The following ASXL2 variants were observed in gnomAD, a reference collection of about 807,000 sequenced individuals.
The protein encoded by ASXL2 is putative Polycomb group protein ASXL2.
In ASXL2, 23 loss-of-function variants were observed where a neutral mutation model predicts 122.0. The observed-to-expected ratio is 0.19, with a 90% CI of 0.14 to 0.27. The LOEUF (loss-of-function observed/expected upper bound fraction) is 0.27, where lower values mean the gene tolerates loss of function less well. Ranked by LOEUF, ASXL2 falls within the 10% of genes least tolerant of loss-of-function variation. The probability of loss-of-function intolerance (pLI) is 1.00; values close to 1 mark genes in which losing one functional copy is unlikely to be tolerated. For missense variants in ASXL2, 1,518 were observed against 1,713.8 expected (o/e 0.89, Z 2.02); for synonymous variants, 650 against 637.0 (o/e 1.02, Z -0.31).
At chr2:25,872,490 T>G (rs1261496040) in intron 1 of ASXL2, among the ~76,000 whole-genome samples, 1 of 151,726 alleles carries the variant, frequency 6.6e-6, no homozygotes, top group Non-Finnish European at 1.5e-5. Flanking sequence ...AAGGTATAAG[T>G]GAAAACTAAT....
Position 25,799,401 on chromosome 2 carries a change from G to A in ASXL2, c.387C>T (p.Ser129=). The change falls in exon 5 of 13, where the codon AGC becomes AGT. Residue 129 remains serine, a synonymous_variant. Coordinates refer to ENST00000435504, the MANE Select transcript of ASXL2 (RefSeq NM_018263.6). ...DGGSNKEGKK[S]RWKRKVSSSS... ...TGGATTTACCTTTCCTTTTCCACCT[G>A]CTCTTTTTTCCCTCCTTGTTGCTGC... 6.2e-7 allele frequency: 1 copy of A among 1,613,978 alleles called. No homozygotes were observed. Among genetic ancestry groups the A allele is most frequent in the Non-Finnish European group, 8.5e-7 (1 of 1,179,868 alleles).
intron 1 of ASXL2, among the ~76,000 whole-genome samples, chr2:25,874,415 G>C (rs1163394865): frequency 1.3e-5 from 2 of 152,188 alleles, no homozygotes; most frequent in African/African-American, 4.8e-5. Context: ...CTTGAGCCTG[G>C]CAGGCAGAAG....
chr2:25,810,801 A>G, intron 3 of ASXL2: 1 of 510,428 alleles, frequency 2.0e-6, no homozygotes, highest in Non-Finnish European at 3.7e-6. Context: ...AGAAGCTGAA[A>G]AAGTCCTAAA....
rs1491286923 is a variant in ASXL2 at position 25,744,935 on chromosome 2, C to CCCCACA, written c.1861-460_1861-459insTGTGGG. On this transcript the variant is annotated intron_variant, in intron 12 of 12. Transcript: ENST00000435504. This position sits in a 1 kb window ranked among gnomAD's most constrained non-coding sequence, Gnocchi z 4.7. ...GGGAAAATACTTGCTCTTCTCTGTTCCACACACACACACACACACACACAC... is the reference window on the plus strand; with the variant it reads ...GGGAAAATACTTGCTCTTCTCTGTTCCCCACACACACACACACACACACACACACAC... Among the ~76,000 whole-genome samples, 1 of 138,252 alleles carries CCCCACA rather than the reference C, an allele frequency of 7.2e-6. No homozygotes were observed. The highest frequency in any genetic ancestry group is 2.7e-5 in the African/African-American group (1 of 36,702). 90.7% of individuals were successfully genotyped at this position (138,252 alleles called of 152,430 possible). A position where few individuals can be genotyped will look rare whatever the true frequency, so the allele number is the denominator to read the frequency against.
Position 25,742,691 on chromosome 2 carries a change from T to C in ASXL2, c.3646A>G (p.Ser1216Gly). 6.2e-7 allele frequency: 1 copy of C among 1,613,998 alleles called. No individual in the cohort carries two copies. The highest frequency in any genetic ancestry group is 8.5e-7 in the Non-Finnish European group (1 of 1,179,880). The change falls in exon 13 of 13, where the codon AGC (serine) becomes GGC (glycine). Residue 1216 changes from serine (S) to glycine (G), a missense_variant. Transcript: ENST00000435504. ...TCACTGGTAGATAGAGTTTCCCTGCTGTGAGGTCCTGAACTTGTGTCACCC... is the reference window on the plus strand; with the variant it reads ...TCACTGGTAGATAGAGTTTCCCTGCCGTGAGGTCCTGAACTTGTGTCACCC... ...GKGDTSSGPHSRETLSTSDCL... is the reference protein window; with the variant it reads ...GKGDTSSGPHGRETLSTSDCL...
chr2:25,856,341 G>A, intron 1 of ASXL2: 1 of 472,130 alleles, frequency 2.1e-6, no homozygotes, highest in Non-Finnish European at 3.9e-6. Flanking sequence ...ACAGGCATGA[G>A]CCACTGCTCA....
chr2:25,855,497 C>T (rs1183208220), intron 1 of ASXL2, among the ~76,000 whole-genome samples: 1 of 152,146 alleles, frequency 6.6e-6, no homozygotes, highest in African/African-American at 2.4e-5. Context: ...GCCAAAACCC[C>T]GTCTCTGCTA....
At position 25,756,121 on chromosome 2, in the gene ASXL2, C is replaced by A; in HGVS notation, c.940-7G>T. Reference sequence around the variant, plus strand: ...TTAAACCATCTGGACCAACCTGGGTCAAAGAATAAGCCAAGGAAAGCTTAC... The same window carrying A: ...TTAAACCATCTGGACCAACCTGGGTAAAAGAATAAGCCAAGGAAAGCTTAC... On this transcript the variant is annotated splice_region_variant and splice_polypyrimidine_tract_variant and intron_variant, in intron 9 of 12. Coordinates refer to ENST00000435504, the MANE Select transcript of ASXL2 (RefSeq NM_018263.6). The A allele has an allele frequency of 6.4e-7, 1 of 1,568,154 alleles. No homozygotes were observed. The highest frequency in any genetic ancestry group is 1.2e-5 in the South Asian group (1 of 84,998).
chr2:25,866,255 C>T (rs2089903071), intron 1 of ASXL2, among the ~76,000 whole-genome samples: 1 of 151,804 alleles, frequency 6.6e-6, no homozygotes, highest in South Asian at 2.1e-4. Context: ...CTCAGCCTCC[C>T]AAGTAGCTGG....
intron 7 of ASXL2, 26 bp from the exon 8 acceptor site, chr2:25,767,752 A>T (rs369414092): frequency 2.5e-6 from 4 of 1,611,518 alleles, no homozygotes; most frequent in Non-Finnish European, 2.5e-6. Context: ...ACGTATAAAG[A>T]CTGGTAGCAC....
At chr2:25,863,599 A>C (rs2089864013) in intron 1 of ASXL2, among the ~76,000 whole-genome samples, 1 of 151,846 alleles carries the variant, frequency 6.6e-6, no homozygotes, top group African/African-American at 2.4e-5. Flanking sequence ...AGGCTAAGGC[A>C]GGAGAATGGC....
intron 3 of ASXL2, among the ~76,000 whole-genome samples, chr2:25,828,837 A>C (rs1188334485): frequency 2.6e-5 from 4 of 151,172 alleles, no homozygotes; most frequent in Admixed American, 6.6e-5. Flanking sequence ...AAAAAAAAAA[A>C]AAAAAAAAAA....
chr2:25,861,139 T>C (rs569982195), intron 1 of ASXL2, among the ~76,000 whole-genome samples: 3 of 152,026 alleles, frequency 2.0e-5, no homozygotes, highest in East Asian at 1.9e-4. Context: ...AACAATGAAA[T>C]TGAAAACAAG....
At chr2:25,833,510 C>T (rs1477747113) in intron 3 of ASXL2, among the ~76,000 whole-genome samples, 1 of 152,098 alleles carries the variant, frequency 6.6e-6, no homozygotes, top group Admixed American at 6.6e-5. Context: ...GCCTGACCAA[C>T]ACAGTGAAAC....
At chr2:25,858,049 G>A (rs2089801476) in intron 1 of ASXL2, among the ~76,000 whole-genome samples, 1 of 152,008 alleles carries the variant, frequency 6.6e-6, no homozygotes, top group African/African-American at 2.4e-5. Flanking sequence ...GCAGTGCCTG[G>A]CATATAGTAA....
At chr2:25,852,706 G>A (rs2089731001) in intron 1 of ASXL2, among the ~76,000 whole-genome samples, 2 of 152,164 alleles carry the variant, frequency 1.3e-5, no homozygotes. Context: ...TAAACTAAAT[G>A]ACCAGAGAGA....
chr2:25,767,871 T>A, intron 7 of ASXL2, 145 bp from the exon 8 acceptor site: 1 of 940,240 alleles, frequency 1.1e-6, no homozygotes, highest in Non-Finnish European at 1.6e-6. Context: ...AAAATTAAAG[T>A]CAAAGAGTAA....
intron 3 of ASXL2, among the ~76,000 whole-genome samples, chr2:25,815,374 T>C (rs1416740830): frequency 6.6e-6 from 1 of 152,002 alleles, no homozygotes; most frequent in Admixed American, 6.6e-5. Flanking sequence ...ACACTTCTGC[T>C]TGCAATGATA....
intron 3 of ASXL2, among the ~76,000 whole-genome samples, chr2:25,834,855 C>A (rs940595568): frequency 1.6e-4 from 24 of 151,878 alleles, no homozygotes; most frequent in Admixed American, 6.6e-5. Flanking sequence ...CGGAGTCTTG[C>A]TGTGTTGCCC....
Sources: allele counts gnomAD v4.1 joint callset (sites outside exome capture counted in the v4.1 genomes callset), GRCh38; gene constraint gnomAD v4.1.1; non-coding constraint Gnocchi (gnomAD v3.1); transcripts MANE v1.5; gene names NCBI Gene and HGNC (gene_info 2026-07-23, HGNC 2026-07-21).